The following SUPT3H variants were observed in gnomAD, a reference collection of about 807,000 sequenced individuals.
The protein encoded by SUPT3H is transcription initiation protein SPT3 homolog.
Under a neutral mutation model 44.3 loss-of-function variants are expected in SUPT3H, and 44 were observed. The observed-to-expected ratio is 0.99, with a 90% CI of 0.78 to 1.28. SUPT3H has a LOEUF of 1.28. Among genes scored for constraint, SUPT3H ranks in the 50% most tolerant of loss-of-function variants. The probability of loss-of-function intolerance (pLI) is 0.00; values close to 1 mark genes in which losing one functional copy is unlikely to be tolerated. For synonymous variants in SUPT3H, 124 were observed against 125.6 expected (o/e 0.99, Z 0.09); for missense variants, 380 against 387.1 (o/e 0.98, Z 0.15).
chr6:44,960,563 A>C (rs1299195517), intron 7 of SUPT3H, among the ~76,000 whole-genome samples: 1 of 152,150 alleles, frequency 6.6e-6, no homozygotes, highest in Admixed American at 6.5e-5. Context: ...TGAAAGTAGT[A>C]TGTCTGTTCC....
intron 2 of SUPT3H, among the ~76,000 whole-genome samples, chr6:45,339,566 A>G (rs1789330055): frequency 6.6e-6 from 1 of 152,192 alleles, no homozygotes; most frequent in Non-Finnish European, 1.5e-5. Context: ...AATATTAATA[A>G]GAAAAATAAA....
intron 2 of SUPT3H, among the ~76,000 whole-genome samples, chr6:45,198,754 A>T (rs982483016): frequency 1.6e-5 from 1 of 63,130 alleles, no homozygotes; most frequent in Non-Finnish European, 3.5e-5. Context: ...ACTCTGAGTT[A>T]AGTCACACTA....
intron 3 of SUPT3H, among the ~76,000 whole-genome samples, chr6:45,025,628 A>T (rs1404564196): frequency 6.6e-6 from 1 of 152,222 alleles, no homozygotes; most frequent in Non-Finnish European, 1.5e-5. Context: ...TCACGCCTGT[A>T]ATCCCAGCAC....
rs1562883012 is a variant in SUPT3H at position 45,288,599 on chromosome 6, G to GTC, written c.101+76601_101+76602insGA. On this transcript the variant is annotated intron_variant, in intron 2 of 10. Coordinates refer to ENST00000371459, the MANE Select transcript of SUPT3H (RefSeq NM_003599.4). ...TATATATATGTATATATATATATGT[G>GTC]TATATATATATATGTATATATATAT... Among the ~76,000 whole-genome samples, 62 of 32,430 alleles carry GTC rather than the reference G, an allele frequency of 1.9e-3. 1 individual carries two copies. Among genetic ancestry groups the GTC allele is most frequent in the Non-Finnish European group, 3.0e-3 (39 of 13,154 alleles). 21.3% of individuals were successfully genotyped at this position (32,430 alleles called of 152,430 possible).
chr6:45,197,015 T>A (rs937797048), intron 2 of SUPT3H, among the ~76,000 whole-genome samples: 1 of 151,646 alleles, frequency 6.6e-6, no homozygotes, highest in Non-Finnish European at 1.5e-5. Context: ...AAAAAATCCC[T>A]GGTACAAAAG....
chr6:45,316,628 T>C (rs1784742923), intron 2 of SUPT3H, among the ~76,000 whole-genome samples: 2 of 152,108 alleles, frequency 1.3e-5, no homozygotes, highest in Non-Finnish European at 2.9e-5. Context: ...ATCATTTCCA[T>C]ACTATTCAAA....
chr6:45,199,153 C>T (rs919796823), intron 2 of SUPT3H, among the ~76,000 whole-genome samples: 4 of 151,002 alleles, frequency 2.6e-5, no homozygotes, highest in Non-Finnish European at 4.5e-5. Context: ...ATAAAATACA[C>T]CTATTTCTTA....
intron 2 of SUPT3H, among the ~76,000 whole-genome samples, chr6:45,300,444 A>G (rs1398038688): frequency 2.0e-5 from 3 of 152,208 alleles, no homozygotes; most frequent in African/African-American, 2.4e-5. Flanking sequence ...GAGCATGTGG[A>G]GAATCAAAAT....
intron 7 of SUPT3H, among the ~76,000 whole-genome samples, chr6:44,958,258 C>T (rs1775505853): frequency 6.6e-6 from 1 of 152,096 alleles, no homozygotes; most frequent in South Asian, 2.1e-4. Flanking sequence ...ATCTCACATA[C>T]TTTTTATCTT....
intron 2 of SUPT3H, among the ~76,000 whole-genome samples, chr6:45,303,688 A>AG (rs1367573233): frequency 1.3e-5 from 2 of 150,920 alleles, no homozygotes; most frequent in East Asian, 1.9e-4. Flanking sequence ...AAAAAAAAAA[A>AG]AAAAGAAACA....
intron 2 of SUPT3H, among the ~76,000 whole-genome samples, chr6:45,258,942 G>A (rs1773874024): frequency 6.6e-6 from 1 of 152,118 alleles, no homozygotes; most frequent in South Asian, 2.1e-4. Flanking sequence ...AGATAAGCTT[G>A]TCTTAAAAAT....
rs374502361 is a variant in SUPT3H at position 45,211,753 on chromosome 6, G to A, written c.102-105747C>T. On this transcript the variant is annotated intron_variant, in intron 2 of 10. Transcript: ENST00000371459. ...AATCCCAGCTACACGGGAGGCTGAA[G>A]CAGGAGAATCACTTGAATCCCGGAG... is the stretch of plus-strand genomic sequence containing the variant. 5.3e-5 allele frequency among the ~76,000 whole-genome samples: 8 copies of A among 152,182 alleles called. No individual in the cohort carries two copies. In the East Asian group the frequency reaches 1.5e-3, roughly 29 times the overall value.
At chr6:44,949,112 ACAT>A (rs951912343) in intron 9 of SUPT3H, among the ~76,000 whole-genome samples, 3 of 152,118 alleles carry the variant, frequency 2.0e-5, no homozygotes, top group Non-Finnish European at 4.4e-5. Context: ...GAAGCTGGAA[ACAT>A]CATTCTGAGC....
At chr6:44,863,006 C>T (rs1774915503) in intron 10 of SUPT3H, among the ~76,000 whole-genome samples, 1 of 152,104 alleles carries the variant, frequency 6.6e-6, no homozygotes, top group African/African-American at 2.4e-5. Context: ...CTGACATCTG[C>T]TTGTTAGGAA....
intron 10 of SUPT3H, among the ~76,000 whole-genome samples, chr6:44,909,415 C>T (rs1444773775): frequency 2.0e-5 from 3 of 152,038 alleles, no homozygotes; most frequent in Non-Finnish European, 2.9e-5. Context: ...ATATGAAATT[C>T]TGGATCACCT....
intron 2 of SUPT3H, among the ~76,000 whole-genome samples, chr6:45,167,833 C>CA (rs1456588031): frequency 6.6e-6 from 1 of 150,862 alleles, no homozygotes; most frequent in Admixed American, 6.6e-5. Context: ...TTTTTTTAGA[C>CA]AGAGTTTCAC....
chr6:45,145,289 G>T (rs372334320), intron 2 of SUPT3H, among the ~76,000 whole-genome samples: 1 of 151,876 alleles, frequency 6.6e-6, no homozygotes, highest in Non-Finnish European at 1.5e-5. Context: ...TATAGTTACC[G>T]AAACAACATG....
intron 2 of SUPT3H, among the ~76,000 whole-genome samples, chr6:45,306,976 G>A (rs530191844): frequency 1.5e-3 from 234 of 152,300 alleles, no homozygotes; most frequent in African/African-American, 5.4e-3. Flanking sequence ...ATTATATCCC[G>A]CACCTGGCTC....
intron 2 of SUPT3H, among the ~76,000 whole-genome samples, chr6:45,253,153 A>C (rs1772682105): frequency 6.6e-6 from 1 of 152,184 alleles, no homozygotes; most frequent in South Asian, 2.1e-4. Flanking sequence ...ATTTCAAATA[A>C]TAAACTAAAA....
Sources: gnomAD v4.1 joint callset for allele counts (sites outside exome capture counted in the v4.1 genomes callset) on GRCh38, gnomAD v4.1.1 for gene constraint, MANE v1.5 for transcripts, NCBI Gene and HGNC (gene_info 2026-07-23, HGNC 2026-07-21) for gene names.